The following DACH1 variants were observed in gnomAD, a reference collection of about 807,000 sequenced individuals.
The protein encoded by DACH1 is dachshund family transcription factor 1.
A neutral mutation model predicts 54.2 loss-of-function variants in DACH1; 12 were observed. The ratio of observed to expected loss-of-function variants is 0.22; its 90% CI spans 0.14 to 0.36. The LOEUF (loss-of-function observed/expected upper bound fraction) is 0.36. DACH1 is among the 10% of genes least tolerant of loss of function. The probability of loss-of-function intolerance (pLI) is 1.00; values close to 1 mark genes in which losing one functional copy is unlikely to be tolerated. For missense variants in DACH1, 805 were observed against 929.8 expected (o/e 0.87, Z 1.75); for synonymous variants, 386 against 366.2 (o/e 1.05, Z -0.62).
At chr13:71,850,345 A>G (rs973759804) in intron 1 of DACH1, among the ~76,000 whole-genome samples, 2 of 152,172 alleles carry the variant, frequency 1.3e-5, no homozygotes, top group African/African-American at 4.8e-5. Context: ...GGGCCCTTCC[A>G]TGCAATCTTC....
At chr13:71,638,646 G>C (rs1436669454) in intron 2 of DACH1, among the ~76,000 whole-genome samples, 4 of 152,076 alleles carry the variant, frequency 2.6e-5, no homozygotes, top group Non-Finnish European at 5.9e-5. Flanking sequence ...TAGAAGATTA[G>C]TGGAAAGCAG....
Position 71,589,963 on chromosome 13 carries a change from A to C in DACH1, c.1127-16951T>G, listed in dbSNP as rs186816229. Among the ~76,000 whole-genome samples, 31 of 152,192 alleles carry C rather than the reference A, an allele frequency of 2.0e-4. No homozygotes were observed. The East Asian group carries it at 5.6e-3, about 27-fold the overall frequency. ...ATTCTGTTTAATATGTACATTTTAA[A>C]CTATACCTACGGGGCTGTAAATATA... On this transcript the variant is annotated intron_variant, in intron 3 of 10. Transcript: ENST00000613252.
intron 2 of DACH1, among the ~76,000 whole-genome samples, chr13:71,667,922 T>C (rs568273649): frequency 1.3e-5 from 2 of 152,194 alleles, no homozygotes; most frequent in East Asian, 3.9e-4. Context: ...TACTTAAACA[T>C]TTCTCCATAA....
chr13:71,794,101 C>T (rs1043660216), intron 1 of DACH1, among the ~76,000 whole-genome samples: 1 of 151,970 alleles, frequency 6.6e-6, no homozygotes, highest in Non-Finnish European at 1.5e-5. Context: ...AGTTACTTTC[C>T]AAGGTCTGAG....
In DACH1 at chr13:71,512,412, C is replaced by T. The variant is rs985923463; in HGVS notation, c.1571-23264G>A. On this transcript the variant is annotated intron_variant, in intron 6 of 10. Coordinates refer to ENST00000613252, the MANE Select transcript of DACH1 (RefSeq NM_080759.6). ...AAAAGTAAGGGAACAGAGGGAGACG[C>T]TCTAATGTCCTTCTGTAGAGATAAC... Among the ~76,000 whole-genome samples the T allele has an allele frequency of 3.3e-5, 5 of 151,990 alleles. No individual in the cohort carries two copies. The East Asian group carries it at 9.7e-4, about 30-fold the overall frequency.
At chr13:71,722,065 A>G (rs1169046402) in intron 1 of DACH1, among the ~76,000 whole-genome samples, 1 of 152,162 alleles carries the variant, frequency 6.6e-6, no homozygotes, top group Non-Finnish European at 1.5e-5. Context: ...ATATATTAGA[A>G]AGTAATATTC....
intron 1 of DACH1, among the ~76,000 whole-genome samples, chr13:71,811,007 T>C (rs1237163149): frequency 6.6e-6 from 1 of 152,124 alleles, no homozygotes; most frequent in Non-Finnish European, 1.5e-5. Flanking sequence ...TTTTTTTCAA[T>C]AATATCCTGT....
chr13:71,574,903 C>A (rs1025108229), intron 3 of DACH1, among the ~76,000 whole-genome samples: 1 of 151,980 alleles, frequency 6.6e-6, no homozygotes, highest in African/African-American at 2.4e-5. Context: ...AATTTATACA[C>A]CTTACTTCTG....
chr13:71,517,489 T>G (rs1881251247), intron 6 of DACH1, among the ~76,000 whole-genome samples: 1 of 151,948 alleles, frequency 6.6e-6, no homozygotes, highest in Admixed American at 6.6e-5. Flanking sequence ...TATTTCTTTA[T>G]TTTTTGTAAA....
At chr13:71,498,013 A>G (rs144566835) in intron 6 of DACH1, among the ~76,000 whole-genome samples, 1 of 152,148 alleles carries the variant, frequency 6.6e-6, no homozygotes, top group Non-Finnish European at 1.5e-5. Context: ...AAGCAGCATT[A>G]GAACTCTGAA....
chr13:71,713,939 A>G (rs1397944006), intron 1 of DACH1, among the ~76,000 whole-genome samples: 2 of 152,066 alleles, frequency 1.3e-5, no homozygotes, highest in Non-Finnish European at 2.9e-5. Context: ...TTTCAACTAC[A>G]ATATTAAGAA....
chr13:71,624,063 T>A (rs1283299474), intron 3 of DACH1, among the ~76,000 whole-genome samples: 1 of 151,920 alleles, frequency 6.6e-6, no homozygotes, highest in Non-Finnish European at 1.5e-5. Flanking sequence ...TTAAAATACA[T>A]AATGAAGAAA....
chr13:71,463,915 G>C (rs1229124799), intron 10 of DACH1, among the ~76,000 whole-genome samples: 2 of 151,828 alleles, frequency 1.3e-5, no homozygotes, highest in Non-Finnish European at 2.9e-5. Context: ...TCCAAGGCAC[G>C]GCTCTTGGTT....
Position 71,475,697 on chromosome 13 carries a change from C to G in DACH1, c.2014+9G>C, listed in dbSNP as rs373769870. 1 of 1,606,798 alleles carries G rather than the reference C, an allele frequency of 6.2e-7. No individual in the cohort carries two copies. The highest frequency in any genetic ancestry group is 8.5e-7 in the Non-Finnish European group (1 of 1,177,914). On this transcript the variant is annotated intron_variant, in intron 9 of 10. Coordinates refer to ENST00000613252, the MANE Select transcript of DACH1 (RefSeq NM_080759.6). ...ACAGTTATTCATGCAATAATATACA[C>G]CCTCTTACCATTTAAGACCCTGAGA...
Position 71,479,212 on chromosome 13 carries a change from C to T in DACH1, c.1827G>A (p.Arg609=). Residue 609 remains arginine (R), a synonymous_variant, in exon 8 of 11, where the codon AGG becomes AGA. Coordinates refer to ENST00000613252, the MANE Select transcript of DACH1 (RefSeq NM_080759.6). The part of the protein sequence containing the change: ...KMDFLREREL[R]ETLEKQLAME... ...TAGCCAACTGCTTCTCAAGTGTTTC[C>T]CTTAGTTCTCTTTCCCTTAAAAAAT... 1 of 1,613,300 alleles carries T rather than the reference C, an allele frequency of 6.2e-7. No individual in the cohort carries two copies. Among genetic ancestry groups the T allele is most frequent in the Non-Finnish European group, 8.5e-7 (1 of 1,179,686 alleles).
At chr13:71,562,846 C>A (rs1468323097) in intron 4 of DACH1, among the ~76,000 whole-genome samples, 4 of 152,034 alleles carry the variant, frequency 2.6e-5, no homozygotes, top group Non-Finnish European at 4.4e-5. Flanking sequence ...AATCAAAAGA[C>A]AATCTTGGCT....
At chr13:71,721,782 A>G (rs193106116) in intron 1 of DACH1, among the ~76,000 whole-genome samples, 1 of 152,286 alleles carries the variant, frequency 6.6e-6, no homozygotes, top group Non-Finnish European at 1.5e-5. Flanking sequence ...AGTATGTTGG[A>G]AAAAAAGAAA....
At chr13:71,504,349 T>C (rs1479135693) in intron 6 of DACH1, among the ~76,000 whole-genome samples, 2 of 152,186 alleles carry the variant, frequency 1.3e-5, no homozygotes, top group African/African-American at 2.4e-5. Context: ...TCTGCATTCA[T>C]TAAAGTATTT....
chr13:71,512,027 G>T (rs1260349697), intron 6 of DACH1, among the ~76,000 whole-genome samples: 1 of 151,798 alleles, frequency 6.6e-6, no homozygotes, highest in Admixed American at 6.6e-5. Context: ...AGTGTGTCTT[G>T]GTTCCATGCT....
Sources: allele counts gnomAD v4.1 joint callset (sites outside exome capture counted in the v4.1 genomes callset), GRCh38; gene constraint gnomAD v4.1.1; transcripts MANE v1.5; gene names NCBI Gene and HGNC (gene_info 2026-07-23, HGNC 2026-07-21).